The following NRXN1 variants were observed in gnomAD, a reference collection of about 807,000 sequenced individuals.
The protein encoded by NRXN1 is neurexin 1, also known as neurexin-1.
In NRXN1, 39 loss-of-function variants were observed where a neutral mutation model predicts 150.9. That is an observed-to-expected ratio of 0.26 (90% CI 0.20 to 0.34). NRXN1 has a LOEUF of 0.34. Among genes scored for constraint, NRXN1 ranks in the 10% least tolerant of loss-of-function variants. The probability of loss-of-function intolerance (pLI) is 1.00; values close to 1 mark genes in which losing one functional copy is unlikely to be tolerated. For synonymous variants in NRXN1, 924 were observed against 757.0 expected (o/e 1.22, Z -3.62); for missense variants, 1,815 against 1,949.9 (o/e 0.93, Z 1.30).
At position 50,949,262 on chromosome 2, in the gene NRXN1, C is replaced by G. The variant is rs576527019; in HGVS notation, c.773-23307G>C. 3.3e-5 allele frequency among the ~76,000 whole-genome samples: 5 copies of G among 152,048 alleles called. No homozygotes were observed. In the South Asian group the frequency reaches 1.0e-3, roughly 32 times the overall value. The stretch of plus-strand genomic sequence containing the variant: ...ATTCACTATATTCAACCATATAATA[C>G]TGAGTTGAAATAGGGATTTAGTTAA... On this transcript the variant is annotated intron_variant, in intron 2 of 22. Transcript: ENST00000401669.
chr2:49,987,395 T>C (rs946707128), intron 21 of NRXN1, among the ~76,000 whole-genome samples: 1 of 152,192 alleles, frequency 6.6e-6, no homozygotes, highest in Non-Finnish European at 1.5e-5. Context: ...CACTGCTCTG[T>C]TTTTATAATA....
intron 17 of NRXN1, among the ~76,000 whole-genome samples, chr2:50,307,596 C>T (rs1172902510): frequency 6.6e-6 from 1 of 152,136 alleles, no homozygotes; most frequent in Non-Finnish European, 1.5e-5. Flanking sequence ...CCTGTTTAGA[C>T]TCTAAACAAT....
intron 5 of NRXN1, among the ~76,000 whole-genome samples, chr2:50,869,761 T>C (rs1199751493): frequency 6.6e-6 from 1 of 151,854 alleles, no homozygotes; most frequent in Non-Finnish European, 1.5e-5. Flanking sequence ...ATTACATCCT[T>C]GTGTCCACCA....
intron 2 of NRXN1, among the ~76,000 whole-genome samples, chr2:50,956,101 A>T (rs554325505): frequency 6.6e-6 from 1 of 152,182 alleles, no homozygotes; most frequent in South Asian, 2.1e-4. Context: ...TGTCTCCCTT[A>T]TCCACATTTT....
At chr2:50,966,456 C>T (rs887672486) in intron 2 of NRXN1, among the ~76,000 whole-genome samples, 2 of 151,554 alleles carry the variant, frequency 1.3e-5, no homozygotes, top group Non-Finnish European at 3.0e-5. Flanking sequence ...TATTATTTTT[C>T]CCCCTGAGCA....
At chr2:50,674,749 A>G (rs1319675485) in intron 5 of NRXN1, among the ~76,000 whole-genome samples, 1 of 152,082 alleles carries the variant, frequency 6.6e-6, no homozygotes, top group Non-Finnish European at 1.5e-5. Flanking sequence ...ATAATGGTGT[A>G]GTCAACACAG....
chr2:50,935,181 T>C (rs772498603), intron 2 of NRXN1, among the ~76,000 whole-genome samples: 39 of 152,340 alleles, frequency 2.6e-4, no homozygotes, highest in Non-Finnish European at 5.3e-4. Context: ...TATTCTCTTA[T>C]AGGTCAAAGA....
intron 17 of NRXN1, among the ~76,000 whole-genome samples, chr2:50,268,679 A>G (rs898011511): frequency 3.3e-5 from 5 of 152,156 alleles, no homozygotes; most frequent in African/African-American, 1.2e-4. Flanking sequence ...CAACTTTAGC[A>G]CTTCAAATGA....
chr2:50,979,245 C>T (rs1244726680), intron 2 of NRXN1: 5 of 517,538 alleles, frequency 9.7e-6, no homozygotes, highest in South Asian at 7.0e-5. Flanking sequence ...GATTCTCCAG[C>T]TAAGATAAAC....
chr2:50,055,874 C>G (rs1030618592), intron 19 of NRXN1, among the ~76,000 whole-genome samples: 1 of 152,270 alleles, frequency 6.6e-6, no homozygotes, highest in African/African-American at 2.4e-5. Context: ...AAGCCACAAA[C>G]AGTGGCCCCT....
At chr2:50,509,322 A>G (rs1022580885) in intron 12 of NRXN1, among the ~76,000 whole-genome samples, 4 of 152,196 alleles carry the variant, frequency 2.6e-5, no homozygotes, top group Admixed American at 6.5e-5. Flanking sequence ...CTTGCCCTAC[A>G]GAATGATCAC....
At chr2:50,077,201 T>C (rs1697245504) in intron 19 of NRXN1, among the ~76,000 whole-genome samples, 1 of 152,176 alleles carries the variant, frequency 6.6e-6, no homozygotes, top group African/African-American at 2.4e-5. Flanking sequence ...AGACTGCATG[T>C]CTAACTTATT....
intron 5 of NRXN1, among the ~76,000 whole-genome samples, chr2:50,798,227 G>T (rs528810950): frequency 6.6e-6 from 1 of 152,048 alleles, no homozygotes; most frequent in African/African-American, 2.4e-5. Flanking sequence ...TAGTTGTTAT[G>T]ATCTCGAAAA....
At chr2:50,185,185 T>C (rs977909294) in intron 18 of NRXN1, among the ~76,000 whole-genome samples, 1 of 152,112 alleles carries the variant, frequency 6.6e-6, no homozygotes, top group African/African-American at 2.4e-5. Context: ...GAATTAGAAG[T>C]ACAAACATAG....
chr2:50,809,252 C>A (rs982928334), intron 5 of NRXN1, among the ~76,000 whole-genome samples: 2 of 152,050 alleles, frequency 1.3e-5, no homozygotes, highest in African/African-American at 4.8e-5. Context: ...AGCAGAGTAA[C>A]TTCTCTCTGA....
rs559537366 is a variant in NRXN1 at position 50,400,931 on chromosome 2, A to C, written c.3364+64511T>G. Among the ~76,000 whole-genome samples, 6 of 152,298 alleles carry C rather than the reference A, an allele frequency of 3.9e-5. No individual in the cohort carries two copies. The South Asian group carries it at 1.2e-3, about 32-fold the overall frequency. ...GATGCTCCGCAAGATATATCTATTC[A>C]TGTCATAGTGCTGTGTGATCACCTT... On this transcript the variant is annotated intron_variant, in intron 17 of 22. Coordinates refer to ENST00000401669, the MANE Select transcript of NRXN1 (RefSeq NM_001330078.2).
rs1697630539 is a variant in NRXN1, at chr2:50,985,943, A to ATG, written c.772+41557_772+41558dup. Among the ~76,000 whole-genome samples the ATG allele has an allele frequency of 2.0e-5, 3 of 151,772 alleles. No individual in the cohort carries two copies. In the South Asian group the frequency reaches 6.2e-4, roughly 31 times the overall value. ...AGATTCTACAACTCTCAAAGAAAAA[A>ATG]TGAGCAGGGATATAAACAGAAAAAC... On this transcript the variant is annotated intron_variant, in intron 2 of 22. Coordinates refer to ENST00000401669, the MANE Select transcript of NRXN1 (RefSeq NM_001330078.2).
intron 5 of NRXN1, among the ~76,000 whole-genome samples, chr2:50,662,445 C>G (rs1359689241): frequency 1.3e-5 from 2 of 152,048 alleles, no homozygotes; most frequent in South Asian, 4.1e-4. Flanking sequence ...AAACCTATTT[C>G]TTCTCTAATT....
At chr2:51,026,690 T>A (rs745503356) in intron 2 of NRXN1, among the ~76,000 whole-genome samples, 2 of 152,212 alleles carry the variant, frequency 1.3e-5, no homozygotes, top group Non-Finnish European at 2.9e-5. Context: ...TCTCTACTAC[T>A]TTATTTCTCT....
Sources: allele counts gnomAD v4.1 joint callset (sites outside exome capture counted in the v4.1 genomes callset), GRCh38; gene constraint gnomAD v4.1.1; transcripts MANE v1.5; gene names NCBI Gene and HGNC (gene_info 2026-07-23, HGNC 2026-07-21).